Variants in CDH18 observed in about 807,000 individuals in gnomAD.
CDH18 encodes the protein cadherin 18.
CDH18 carries 31 observed loss-of-function variants against 67.9 expected under a neutral mutation model. The observed-to-expected ratio is 0.46, with a 90% CI of 0.34 to 0.62. CDH18 has a LOEUF of 0.62. Among genes scored for constraint, CDH18 ranks in the 20% least tolerant of loss-of-function variants. The pLI is 0.01. For synonymous variants in CDH18, 362 were observed against 347.2 expected (o/e 1.04, Z -0.48); for missense variants, 890 against 975.5 (o/e 0.91, Z 1.17).
At chr5:20,293,848 A>G (rs1380774080) in intron 1 of CDH18, among the ~76,000 whole-genome samples, 1 of 152,226 alleles carries the variant, frequency 6.6e-6, no homozygotes, top group Admixed American at 6.5e-5. Context: ...AGGAAACATT[A>G]AAACCTGAAA....
At chr5:19,699,174 G>C (rs1164104382) in intron 5 of CDH18, among the ~76,000 whole-genome samples, 2 of 151,946 alleles carry the variant, frequency 1.3e-5, no homozygotes. Context: ...ACAAGCACAG[G>C]CATACTCACT....
At chr5:19,793,162 T>A (rs1411949792) in intron 3 of CDH18, among the ~76,000 whole-genome samples, 1 of 152,172 alleles carries the variant, frequency 6.6e-6, no homozygotes, top group Non-Finnish European at 1.5e-5. Flanking sequence ...TTTGCTGTTT[T>A]CTTCTAAAGA....
chr5:20,357,982 T>A (rs1277209894), intron 1 of CDH18, among the ~76,000 whole-genome samples: 1 of 151,916 alleles, frequency 6.6e-6, no homozygotes, highest in Non-Finnish European at 1.5e-5. Flanking sequence ...AAAAATGAAA[T>A]CATGTCCTTT....
At chr5:19,833,421 C>A (rs1781275591) in intron 3 of CDH18, among the ~76,000 whole-genome samples, 1 of 152,058 alleles carries the variant, frequency 6.6e-6, no homozygotes, top group Non-Finnish European at 1.5e-5. Flanking sequence ...AAATTTTGGG[C>A]TTAGATGATG....
intron 11 of CDH18, among the ~76,000 whole-genome samples, chr5:19,495,717 CAAAAAAAAAA>C (rs749003068): frequency 6.4e-5 from 3 of 46,550 alleles, no homozygotes; most frequent in South Asian, 2.4e-3. Flanking sequence ...GAAACTGTCT[CAAAAAAAAAA>C]AAAAAAAAAA....
chr5:19,559,692 T>C (rs1285882066), intron 8 of CDH18, among the ~76,000 whole-genome samples: 2 of 151,930 alleles, frequency 1.3e-5, no homozygotes, highest in African/African-American at 4.8e-5. Flanking sequence ...ATAAAGGACA[T>C]CCAATTGATA....
intron 2 of CDH18, among the ~76,000 whole-genome samples, chr5:19,998,755 G>A (rs1387420603): frequency 6.6e-6 from 1 of 151,786 alleles, no homozygotes; most frequent in Non-Finnish European, 1.5e-5. Flanking sequence ...ACGAGTTTAG[G>A]GTCACAAAAT....
chr5:20,329,685 T>C (rs1738970655), intron 1 of CDH18, among the ~76,000 whole-genome samples: 1 of 148,316 alleles, frequency 6.7e-6, no homozygotes, highest in Admixed American at 6.9e-5. Context: ...CAGGAGAATT[T>C]CTTGAACCCC....
Position 19,473,360 on chromosome 5 carries a change from C to A in CDH18, c.2239G>T (p.Ala747Ser). The A allele has an allele frequency of 6.2e-7, 1 of 1,613,920 alleles. No homozygotes were observed. Among genetic ancestry groups the A allele is most frequent in the Non-Finnish European group, 8.5e-7 (1 of 1,179,918 alleles). The change falls in exon 13 of 13, where the codon GCT becomes TCT. Residue 747 changes from alanine (A) to serine (S), a missense_variant. Around this residue, in one of 2 missense-constraint regions of CDH18, gnomAD observed 656 missense variants for 668.1 expected, o/e 0.98. Coordinates refer to ENST00000382275, the MANE Select transcript of CDH18 (RefSeq NM_004934.5). Reference protein sequence around the residue: ...TYAYEGQRSEAGSISSLDSAT... With the variant: ...TYAYEGQRSESGSISSLDSAT... ...GAATCCAGCGAGCTGATAGACCCAG[C>A]TTCTGATCTCTGACCCTCATAGGCA...
chr5:20,297,979 G>A (rs1209767676), intron 1 of CDH18, among the ~76,000 whole-genome samples: 3 of 152,132 alleles, frequency 2.0e-5, no homozygotes, highest in Non-Finnish European at 2.9e-5. Flanking sequence ...GTAACCGGAA[G>A]GCATCTGTCT....
At chr5:20,201,926 C>A (rs900390530) in intron 2 of CDH18, among the ~76,000 whole-genome samples, 1 of 152,150 alleles carries the variant, frequency 6.6e-6, no homozygotes, top group Non-Finnish European at 1.5e-5. Context: ...AAGGTTGCAG[C>A]AATCCAGTGA....
intron 5 of CDH18, among the ~76,000 whole-genome samples, chr5:19,663,194 A>G (rs944524757): frequency 4.6e-5 from 7 of 152,000 alleles, no homozygotes; most frequent in Admixed American, 3.9e-4. Context: ...AACCTTCCAA[A>G]TAACGACAGA....
chr5:20,013,498 G>C (rs368871493), intron 2 of CDH18, among the ~76,000 whole-genome samples: 1 of 151,906 alleles, frequency 6.6e-6, no homozygotes, highest in Admixed American at 6.6e-5. Context: ...TTTTGTCTAG[G>C]ACATTAAGAA....
chr5:20,109,059 C>T (rs1561797276), intron 2 of CDH18, among the ~76,000 whole-genome samples: 2 of 152,096 alleles, frequency 1.3e-5, no homozygotes, highest in African/African-American at 2.4e-5. Context: ...TTTAAGAAGC[C>T]AAGAAGCTTT....
chr5:19,739,591 G>A (rs1419566799), intron 4 of CDH18, among the ~76,000 whole-genome samples: 1 of 152,170 alleles, frequency 6.6e-6, no homozygotes, highest in African/African-American at 2.4e-5. Flanking sequence ...GGGTTGGTTT[G>A]TACAAAACAC....
chr5:19,955,685 T>C (rs145786514), intron 2 of CDH18, among the ~76,000 whole-genome samples: 1,635 of 152,012 alleles, frequency 0.011, 16 homozygotes, highest in Middle Eastern at 0.027. Context: ...TAATGAAATA[T>C]GTAGATAGAT....
At chr5:20,282,895 AC>A (rs1167577149) in intron 1 of CDH18, among the ~76,000 whole-genome samples, 1 of 152,130 alleles carries the variant, frequency 6.6e-6, no homozygotes, top group Non-Finnish European at 1.5e-5. Flanking sequence ...AACAAAAAGA[AC>A]ATGATACTGG....
intron 2 of CDH18, among the ~76,000 whole-genome samples, chr5:20,147,862 A>G (rs1375538024): frequency 6.6e-6 from 1 of 152,156 alleles, no homozygotes; most frequent in Admixed American, 6.6e-5. Context: ...CTACTTACCA[A>G]TGTGAATTGT....
At chr5:19,737,167 G>A (rs1028334605) in intron 4 of CDH18, among the ~76,000 whole-genome samples, 1 of 151,954 alleles carries the variant, frequency 6.6e-6, no homozygotes, top group Non-Finnish European at 1.5e-5. Context: ...ATATCCAATT[G>A]CTGTGTCTCC....
Sources: allele counts gnomAD v4.1 joint callset (sites outside exome capture counted in the v4.1 genomes callset), GRCh38; gene constraint gnomAD v4.1.1; regional missense constraint gnomAD v4.1.1; transcripts MANE v1.5; gene names NCBI Gene and HGNC (gene_info 2026-07-23, HGNC 2026-07-21).